Variants in PDE4DIP observed in about 807,000 individuals in gnomAD.
PDE4DIP encodes the protein phosphodiesterase 4D interacting protein.
Under a neutral mutation model 221.4 loss-of-function variants are expected in PDE4DIP, and 59 were observed. The ratio of observed to expected loss-of-function variants is 0.27; its 90% CI spans 0.22 to 0.33. The LOEUF (loss-of-function observed/expected upper bound fraction) is 0.33. Ranked by LOEUF, PDE4DIP falls within the 10% of genes least tolerant of loss-of-function variation. The pLI is 1.00. For missense variants in PDE4DIP, 1,036 were observed against 2,154.2 expected, an observed-to-expected ratio of 0.48 and a Z score of 10.28; for synonymous variants, 404 against 815.9, an observed-to-expected ratio of 0.50 and a Z score of 8.60.
At chr1:148,952,027 G>A in intron 5 of PDE4DIP, 2 of 1,007,174 alleles carry the variant, frequency 2.0e-6, no homozygotes, top group Non-Finnish European at 2.4e-6. Flanking sequence ...CTGCCCCGCT[G>A]GCAGCCGGAG....
At chr1:149,010,172 G>T (rs1163020329) in intron 30 of PDE4DIP, among the ~76,000 whole-genome samples, 8 of 152,128 alleles carry the variant, frequency 5.3e-5, no homozygotes, top group African/African-American at 1.7e-4. Context: ...GTATATTTGG[G>T]TGTCCACAGA....
chr1:149,012,699 G>A (rs1407322760), exon 32 of PDE4DIP: 2 of 1,613,744 alleles, frequency 1.2e-6, no homozygotes, highest in African/African-American at 2.7e-5. Flanking sequence ...CTCCTCCTTG[G>A]CTGCTGTGAG....
intron 42 of PDE4DIP, 59 bp downstream of exon 45, chr1:149,029,984 G>A: frequency 1.6e-6 from 1 of 640,028 alleles, no homozygotes; most frequent in Non-Finnish European, 2.7e-6. Flanking sequence ...TGCCCCACTT[G>A]TGCTGCAGAT....
intron 35 of PDE4DIP, among the ~76,000 whole-genome samples, chr1:149,019,915 C>T (rs2072100222): frequency 6.6e-6 from 1 of 151,970 alleles, no homozygotes; most frequent in African/African-American, 2.4e-5. Flanking sequence ...CAGAATTTCT[C>T]TAAGAGCAAG....
At chr1:148,987,410 TAA>T (rs587678015) in intron 21 of PDE4DIP, among the ~76,000 whole-genome samples, 3 of 152,296 alleles carry the variant, frequency 2.0e-5, no homozygotes, top group African/African-American at 7.2e-5. Context: ...TACAGCACCA[TAA>T]CATTAAAGTC....
At chr1:148,961,904 A>G in exon 7 of PDE4DIP, 1 of 1,599,400 alleles carries the variant, frequency 6.3e-7, no homozygotes. Flanking sequence ...TCTCAAAAGC[A>G]AGATGGTACA....
chr1:148,929,329 A>T lies in PDE4DIP; in HGVS notation c.218+56A>T, dbSNP rs1182204654. ...CCAGAGTCTGTCTTACTAATCTGAG[A>T]GCAATAGATTTGGAACCAAATTCCT... On this transcript the variant is annotated intron_variant, in intron 2 of 43. Transcript: ENST00000369354. 47 of 1,524,148 alleles carry T rather than the reference A, an allele frequency of 3.1e-5. No individual in the cohort carries two copies. In the African/African-American group the frequency reaches 5.2e-4, roughly 17 times the overall value. The allele number at this position is 1,524,148 out of a possible 1,614,324, so 94.4% of individuals were successfully genotyped here.
chr1:149,019,471 TTAATTGATTTCTG>T (rs1202061717), intron 35 of PDE4DIP: 1 of 151,856 alleles, frequency 6.6e-6, no homozygotes, highest in Non-Finnish European at 1.5e-5. Context: ...ATTAATTTAA[TTAATTGATTTCTG>T]TATTAGCGAG....
chr1:149,029,101 G>GA (rs2075992873), intron 41 of PDE4DIP, among the ~76,000 whole-genome samples: 1 of 152,120 alleles, frequency 6.6e-6, no homozygotes. Context: ...AATGATCACA[G>GA]AATGCCCCAT....
At chr1:148,940,813 G>A (rs1416428050) in intron 5 of PDE4DIP, among the ~76,000 whole-genome samples, 1 of 151,216 alleles carries the variant, frequency 6.6e-6, no homozygotes, top group African/African-American at 2.4e-5. Context: ...AGGACTGGTA[G>A]TGTCTTCCCT....
rs782501966 is a variant in PDE4DIP at position 148,978,262 on chromosome 1, A to T, written c.2437-16A>T. 27 of 1,577,802 alleles carry T rather than the reference A, an allele frequency of 1.7e-5. No homozygotes were observed. Among genetic ancestry groups the T allele is most frequent in the Non-Finnish European group, 2.3e-5 (27 of 1,156,724 alleles). ...TATTACTATTTTCACATCCATACTT[A>T]TTTTTTGACTTCTAGGACCTGCAAA... On this transcript the variant is annotated splice_polypyrimidine_tract_variant and intron_variant, in intron 18 of 43. Transcript: ENST00000369354.
At position 149,007,418 on chromosome 1, in the gene PDE4DIP, A is replaced by G. The variant is rs782811812; in HGVS notation, c.4633A>G (p.Thr1545Ala). Residue 1545 changes from threonine to alanine, a missense_variant, in exon 28 of 44, where the codon ACC (threonine) becomes GCC (alanine). Coordinates refer to ENST00000369354, the Ensembl canonical transcript of PDE4DIP. ...GGGAAGCCAGCTGACAGAGAGGCTC[A>G]CCAGCAAACTCAGCACCAGTAAGTT... The G allele has an allele frequency of 5.2e-6, 4 of 767,080 alleles. No individual in the cohort carries two copies. In the South Asian group the frequency reaches 5.9e-5, roughly 11 times the overall value. 47.5% of individuals were successfully genotyped at this position (767,080 alleles called of 1,614,324 possible).
chr1:148,915,183 T>C (rs1293715533), intron 1 of PDE4DIP, among the ~76,000 whole-genome samples: 2 of 152,050 alleles, frequency 1.3e-5, no homozygotes, highest in African/African-American at 4.8e-5. Context: ...AGTATGTCCC[T>C]GTTGCCCAGG....
At chr1:148,983,467 T>C (rs2061429784) in intron 21 of PDE4DIP, 1 of 152,394 alleles carries the variant, frequency 6.6e-6, no homozygotes, top group South Asian at 2.1e-4. Context: ...GACTAGAATA[T>C]GGTACTAACT....
chr1:149,029,693 C>T (rs75538208), intron 41 of PDE4DIP, 94 bp from the exon 45 acceptor site: 99 of 765,626 alleles, frequency 1.3e-4, no homozygotes, highest in East Asian at 1.0e-3. Flanking sequence ...GTTGAGAAGA[C>T]TGTAGAATCC....
chr1:148,966,642 G>T, exon 11 of PDE4DIP: 1 of 1,580,860 alleles, frequency 6.3e-7, no homozygotes, highest in South Asian at 1.1e-5. Context: ...ACATGATAAA[G>T]CTGTTGCTCT....
intron 21 of PDE4DIP, among the ~76,000 whole-genome samples, chr1:148,986,788 A>G (rs1395388517): frequency 2.0e-5 from 3 of 152,212 alleles, no homozygotes; most frequent in Non-Finnish European, 4.4e-5. Flanking sequence ...TCAGGAGCCA[A>G]CTGTGGTGGG....
intron 9 of PDE4DIP, among the ~76,000 whole-genome samples, chr1:148,963,912 A>G (rs1446329078): frequency 6.9e-5 from 10 of 145,346 alleles, no homozygotes; most frequent in Non-Finnish European, 1.2e-4. Flanking sequence ...GGCCGCCACC[A>G]CGCCCGGCTA....
At position 149,010,603 on chromosome 1, in the gene PDE4DIP, A is replaced by G. The variant is rs782252875; in HGVS notation, c.5080+8A>G. ...CCAACCAGGCCCATTCAGGTATGCA[A>G]CAGCCAATGGGGCAGAAGCTTCATC... On this transcript the variant is annotated splice_region_variant and intron_variant, in intron 31 of 43. Transcript: ENST00000369354. The G allele has an allele frequency of 1.2e-6, 2 of 1,612,974 alleles. No homozygotes were observed. Among genetic ancestry groups the G allele is most frequent in the Non-Finnish European group, 8.5e-7 (1 of 1,179,632 alleles).
Sources: gnomAD v4.1 joint callset for allele counts (sites outside exome capture counted in the v4.1 genomes callset) on GRCh38, gnomAD v4.1.1 for gene constraint, MANE v1.5 for transcripts, NCBI Gene and HGNC (gene_info 2026-07-23, HGNC 2026-07-21) for gene names.